Variants in ADAM22 observed in about 807,000 individuals in gnomAD.
ADAM22 encodes ADAM metallopeptidase domain 22.
ADAM22 carries 65 observed loss-of-function variants against 144.6 expected under a neutral mutation model. The ratio of observed to expected loss-of-function variants is 0.45; its 90% CI spans 0.37 to 0.55. The LOEUF (loss-of-function observed/expected upper bound fraction) is 0.55. Among genes scored for constraint, ADAM22 ranks in the 20% least tolerant of loss-of-function variants. The pLI, the probability that ADAM22 is intolerant of heterozygous loss-of-function variation, is 0.00. For missense variants in ADAM22, 974 were observed against 1,184.9 expected, an observed-to-expected ratio of 0.82 and a Z score of 2.61; for synonymous variants, 391 against 412.6, an observed-to-expected ratio of 0.95 and a Z score of 0.63.
rs1353070566 is a variant in ADAM22 at position 88,198,330 on chromosome 7, A to G, written c.*1839A>G. On this transcript the variant is annotated 3_prime_UTR_variant, in exon 32 of 32. Coordinates refer to ENST00000413139, the MANE Select transcript of ADAM22 (RefSeq NM_001324418.2). ...TTTTGAAAGTCTTTGAAATGTTTGG[A>G]AAGCAATTTAATGATCCAAAATTAC... The G allele has an allele frequency of 6.6e-6, 1 of 152,184 alleles. No individual in the cohort carries two copies. Among genetic ancestry groups the G allele is most frequent in the African/African-American group, 2.4e-5 (1 of 41,444 alleles). 9.4% of individuals were successfully genotyped at this position (152,184 alleles called of 1,614,324 possible). A position where few individuals can be genotyped will look rare whatever the true frequency, so the allele number is the denominator to read the frequency against.
intron 3 of ADAM22, among the ~76,000 whole-genome samples, chr7:87,982,687 A>G (rs1363984221): frequency 1.4e-5 from 1 of 73,430 alleles, no homozygotes; most frequent in East Asian, 3.1e-4. Flanking sequence ...ATATATATAT[A>G]TATATATATA....
intron 9 of ADAM22, among the ~76,000 whole-genome samples, chr7:88,129,460 T>G (rs1228087769): frequency 2.0e-5 from 3 of 152,060 alleles, no homozygotes; most frequent in African/African-American, 7.2e-5. Context: ...AGATCTTAAT[T>G]ATTACAGTTG....
intron 3 of ADAM22, among the ~76,000 whole-genome samples, chr7:87,987,193 T>A (rs28421585): frequency 2.0e-5 from 3 of 151,944 alleles, no homozygotes; most frequent in African/African-American, 7.3e-5. Flanking sequence ...TTTTAATTAT[T>A]TTTTTTGGAC....
chr7:88,082,655 A>G (rs1184785713), intron 4 of ADAM22, among the ~76,000 whole-genome samples: 1 of 152,110 alleles, frequency 6.6e-6, no homozygotes, highest in African/African-American at 2.4e-5. Context: ...AAAACAAACA[A>G]CCCCATCAAA....
rs753383162 is a variant in ADAM22 at position 88,197,535 on chromosome 7, T to C, written c.*1044T>C. 6.6e-6 allele frequency: 1 copy of C among 152,218 alleles called. No individual in the cohort carries two copies. The highest frequency in any genetic ancestry group is 1.5e-5 in the Non-Finnish European group (1 of 68,038). The allele number at this position is 152,218 out of a possible 1,614,324, so 9.4% of individuals were successfully genotyped here. ...GTGTGTGCTGCTGAGATTAAGCAAG[T>C]GCACCAAAGACACATGAGACAACGT... On this transcript the variant is annotated 3_prime_UTR_variant, in exon 32 of 32. Transcript: ENST00000413139.
intron 2 of ADAM22, among the ~76,000 whole-genome samples, chr7:87,957,925 T>C (rs1428029197): frequency 6.6e-6 from 1 of 152,164 alleles, no homozygotes; most frequent in East Asian, 1.9e-4. Flanking sequence ...CATAACAATA[T>C]ATTACTGTTT....
intron 21 of ADAM22, among the ~76,000 whole-genome samples, chr7:88,153,541 G>T (rs1222113402): frequency 6.6e-6 from 1 of 152,104 alleles, no homozygotes; most frequent in Non-Finnish European, 1.5e-5. Flanking sequence ...GGTCATACTT[G>T]CCCCCACCTC....
intron 29 of ADAM22, among the ~76,000 whole-genome samples, chr7:88,183,487 G>A (rs760810438): frequency 2.6e-5 from 4 of 151,814 alleles, no homozygotes; most frequent in South Asian, 2.1e-4. Flanking sequence ...CGCACATTTG[G>A]TGTTTAACAA....
intron 3 of ADAM22, among the ~76,000 whole-genome samples, chr7:87,982,066 TATACACAC>T (rs1396039186): frequency 1.5e-4 from 13 of 86,460 alleles, no homozygotes; most frequent in African/African-American, 6.0e-4. Context: ...TATATATATA[TATACACAC>T]ACACACACAC....
intron 18 of ADAM22, among the ~76,000 whole-genome samples, chr7:88,150,705 T>A (rs998301082): frequency 1.3e-5 from 2 of 152,196 alleles, no homozygotes. Context: ...TGTAATCAAC[T>A]GTTTTTGCCT....
intron 3 of ADAM22, among the ~76,000 whole-genome samples, chr7:88,016,690 T>C (rs1796605892): frequency 6.6e-6 from 1 of 152,188 alleles, no homozygotes; most frequent in South Asian, 2.1e-4. Context: ...CAAAGTAGTA[T>C]GCTCTGTGTT....
chr7:87,941,665 A>G (rs1369725085), intron 2 of ADAM22, among the ~76,000 whole-genome samples: 1 of 152,176 alleles, frequency 6.6e-6, no homozygotes. Flanking sequence ...TGTAAAAAAA[A>G]GTAAAATTCA....
chr7:88,008,891 TATA>T (rs139336031), intron 3 of ADAM22, among the ~76,000 whole-genome samples: 22,119 of 146,752 alleles, frequency 0.15, 2,252 homozygotes, highest in East Asian at 0.31. Flanking sequence ...AAACTTAAAG[TATA>T]ATAATAATAA....
chr7:88,077,278 C>T (rs970580617), intron 4 of ADAM22, among the ~76,000 whole-genome samples: 1 of 152,066 alleles, frequency 6.6e-6, no homozygotes, highest in African/African-American at 2.4e-5. Context: ...TTTTCCATTA[C>T]ATATATATGT....
rs1009205060 is a variant in ADAM22, at chr7:88,186,758, C to G, written c.2750+57C>G. The G allele has an allele frequency of 3.2e-5, 35 of 1,078,512 alleles. No individual in the cohort carries two copies. In the African/African-American group the frequency reaches 5.4e-4, roughly 17 times the overall value. The allele number at this position is 1,078,512 out of a possible 1,614,324, so 66.8% of individuals were successfully genotyped here. ...CAAACTCTCCCAGCACATACAAATA[C>G]TGTAGTGTGACTGGCTCTCTATCTT... On this transcript the variant is annotated intron_variant, in intron 30 of 31. Transcript: ENST00000413139.
At chr7:88,010,271 T>C (rs1795053321) in intron 3 of ADAM22, among the ~76,000 whole-genome samples, 1 of 152,200 alleles carries the variant, frequency 6.6e-6, no homozygotes, top group African/African-American at 2.4e-5. Flanking sequence ...TCACAGGTTT[T>C]TCATCTGAAA....
At chr7:88,095,937 C>T (rs1050192584) in intron 4 of ADAM22, among the ~76,000 whole-genome samples, 5 of 134,028 alleles carry the variant, frequency 3.7e-5, no homozygotes, top group African/African-American at 1.1e-4. Context: ...CCCCACCCCC[C>T]CTTTTTTTAA....
intron 4 of ADAM22, among the ~76,000 whole-genome samples, chr7:88,086,912 A>G (rs879669153): frequency 6.6e-6 from 1 of 152,202 alleles, no homozygotes; most frequent in Non-Finnish European, 1.5e-5. Context: ...GCTAACAGTA[A>G]TAACTATTTA....
intron 2 of ADAM22, among the ~76,000 whole-genome samples, chr7:87,957,015 A>G (rs1846946465): frequency 6.6e-6 from 1 of 152,096 alleles, no homozygotes; most frequent in Admixed American, 6.5e-5. Flanking sequence ...AACCCTGCCT[A>G]TGGTGCACTC....
Sources: gnomAD v4.1 joint callset for allele counts (sites outside exome capture counted in the v4.1 genomes callset) on GRCh38, gnomAD v4.1.1 for gene constraint, MANE v1.5 for transcripts, NCBI Gene and HGNC (gene_info 2026-07-23, HGNC 2026-07-21) for gene names.